Variants in STK3 observed in about 807,000 individuals in gnomAD.
STK3 encodes serine/threonine kinase 3.
STK3 carries 41 observed loss-of-function variants against 58.0 expected under a neutral mutation model. The ratio of observed to expected loss-of-function variants is 0.71; its 90% CI spans 0.55 to 0.92. The LOEUF (loss-of-function observed/expected upper bound fraction) is 0.92. Among genes scored for constraint, STK3 ranks in the 40% least tolerant of loss-of-function variants. The pLI, the probability that STK3 is intolerant of heterozygous loss-of-function variation, is 0.00. For synonymous variants in STK3, 170 were observed against 191.0 expected (o/e 0.89, Z 0.91); for missense variants, 479 against 602.7 (o/e 0.79, Z 2.15).
At chr8:98,590,315 T>C (rs1026054290) in intron 7 of STK3, among the ~76,000 whole-genome samples, 6 of 152,186 alleles carry the variant, frequency 3.9e-5, no homozygotes, top group African/African-American at 1.4e-4. Context: ...CTGATGCCGT[T>C]CCTTTCTTCC....
chr8:98,711,965 G>A (rs1218202261), intron 4 of STK3, among the ~76,000 whole-genome samples: 1 of 152,110 alleles, frequency 6.6e-6, no homozygotes, highest in African/African-American at 2.4e-5. Context: ...CCAGAAGACA[G>A]GGGGGCCAAT....
At position 98,856,596 on chromosome 8, in the gene STK3, A is replaced by G. The variant is rs140106130; in HGVS notation, c.110+27051T>C. Among the ~76,000 whole-genome samples, 6 of 152,310 alleles carry G rather than the reference A, an allele frequency of 3.9e-5. No individual in the cohort carries two copies. The East Asian group carries it at 9.6e-4, about 24-fold the overall frequency. Reference sequence around the variant, plus strand: ...CGTGGAAAAATTAGAACTCTCACACACTACTAGTGGGAATGTAAAATGGCA... The same window carrying G: ...CGTGGAAAAATTAGAACTCTCACACGCTACTAGTGGGAATGTAAAATGGCA... On this transcript the variant is annotated intron_variant, in intron 3 of 12. Transcript: ENST00000523601.
chr8:98,605,433 C>CTTTT (rs1008693603), intron 6 of STK3, among the ~76,000 whole-genome samples: 2 of 132,874 alleles, frequency 1.5e-5, no homozygotes, highest in East Asian at 2.1e-4. Context: ...GCAAGCACAC[C>CTTTT]TTTTTTTTTT....
chr8:98,807,740 TCACTGTCAATTATG>T (rs1833977323), intron 1 of STK3, among the ~76,000 whole-genome samples: 1 of 152,126 alleles, frequency 6.6e-6, no homozygotes, highest in East Asian at 1.9e-4. Context: ...AAATGCAAAG[TCACTGTCAATTATG>T]CACTGTGAAG....
intron 3 of STK3, among the ~76,000 whole-genome samples, chr8:98,411,779 A>G (rs1330236708): frequency 6.6e-6 from 1 of 152,198 alleles, no homozygotes; most frequent in Non-Finnish European, 1.5e-5. Flanking sequence ...CGAGGGACAA[A>G]TCAGGGTGTA....
downstream of STK3, among the ~76,000 whole-genome samples, chr8:98,367,660 C>T (rs551660840): frequency 9.8e-5 from 15 of 152,292 alleles, no homozygotes; most frequent in African/African-American, 3.6e-4. Flanking sequence ...AAGGCTATAG[C>T]CAGAGTCTCC....
At chr8:98,750,343 C>T (rs940184023) in intron 3 of STK3, among the ~76,000 whole-genome samples, 8 of 150,678 alleles carry the variant, frequency 5.3e-5, no homozygotes, top group Non-Finnish European at 1.0e-4. Context: ...CCAAGTATGG[C>T]ATGTAAGAGG....
At chr8:98,798,699 C>T (rs192849499) in intron 1 of STK3, among the ~76,000 whole-genome samples, 187 of 152,234 alleles carry the variant, frequency 1.2e-3, no homozygotes, top group African/African-American at 4.0e-3. Context: ...TGAATCTAAA[C>T]GGTCAATGTC....
chr8:98,569,597 A>G (rs1458260786), intron 8 of STK3, among the ~76,000 whole-genome samples: 1 of 152,156 alleles, frequency 6.6e-6, no homozygotes, highest in Non-Finnish European at 1.5e-5. Flanking sequence ...GTGATTAGAA[A>G]ACTGTAAAAA....
rs568659712 is a variant in STK3 at position 98,935,063 on chromosome 8, T to C, written c.-79+7315A>G. Among the ~76,000 whole-genome samples the C allele has an allele frequency of 2.6e-5, 4 of 151,626 alleles. No individual in the cohort carries two copies. The East Asian group carries it at 7.7e-4, about 29-fold the overall frequency. ...TAGTAATAGAAGTCTGAATTTAAAC[T>C]GGGCACATGGCTACCCAGAGTAAAG... is the stretch of plus-strand genomic sequence containing the variant. On this transcript the variant is annotated intron_variant, in intron 1 of 1. Coordinates refer to the STK3 transcript ENST00000519420.
chr8:98,477,062 A>G lies in STK3; in HGVS notation c.1318-21062T>C, dbSNP rs546741555. On this transcript the variant is annotated intron_variant, in intron 10 of 10. Coordinates refer to ENST00000419617, the MANE Select transcript of STK3 (RefSeq NM_006281.4). ...CATCATTCTTATCATCAAGGACGGG[A>G]AGCTGAGACCGAGGAAAATCTGTAC... 6.4e-4 allele frequency among the ~76,000 whole-genome samples: 97 copies of G among 152,330 alleles called. 1 individual carries two copies. Among genetic ancestry groups the G allele is most frequent in the Non-Finnish European group, 1.2e-3 (79 of 68,030 alleles).
At chr8:98,691,866 A>G (rs2130952987) in intron 6 of STK3, among the ~76,000 whole-genome samples, 1 of 150,104 alleles carries the variant, frequency 6.7e-6, no homozygotes, top group Non-Finnish European at 1.5e-5. Flanking sequence ...TGGGAGGTGG[A>G]GGTTGCAGTG....
intron 3 of STK3, among the ~76,000 whole-genome samples, chr8:98,433,249 A>G (rs1818369794): frequency 6.6e-6 from 1 of 152,102 alleles, no homozygotes; most frequent in African/African-American, 2.4e-5. Flanking sequence ...TTCCTCCTGC[A>G]TGCTTTCCTG....
chr8:98,741,240 T>C (rs1437441170), intron 4 of STK3, among the ~76,000 whole-genome samples: 2 of 152,172 alleles, frequency 1.3e-5, no homozygotes, highest in African/African-American at 4.8e-5. Context: ...GTGTACCAAG[T>C]GGACCTAATA....
intron 7 of STK3, among the ~76,000 whole-genome samples, chr8:98,582,730 C>T (rs1814028564): frequency 6.6e-6 from 1 of 152,022 alleles, no homozygotes; most frequent in Admixed American, 6.6e-5. Flanking sequence ...CTATCTCATA[C>T]TGGCGTTACA....
chr8:98,483,596 C>A (rs548063137), intron 10 of STK3, among the ~76,000 whole-genome samples: 1 of 152,164 alleles, frequency 6.6e-6, no homozygotes, highest in Admixed American at 6.5e-5. Flanking sequence ...ATAGTCCTGC[C>A]AAATGCTGCA....
intron 9 of STK3, among the ~76,000 whole-genome samples, chr8:98,541,665 G>A (rs1810289416): frequency 6.6e-6 from 1 of 152,046 alleles, no homozygotes. Context: ...GAGTATAACT[G>A]TTGCACTCTC....
intron 3 of STK3, among the ~76,000 whole-genome samples, chr8:98,758,511 A>G (rs545387619): frequency 7.0e-4 from 107 of 152,218 alleles, no homozygotes; most frequent in Non-Finnish European, 1.3e-3. Flanking sequence ...AAATGAATAA[A>G]TGTGATTTGC....
At chr8:98,435,938 G>T (rs375898027) in intron 2 of STK3, among the ~76,000 whole-genome samples, 1 of 152,130 alleles carries the variant, frequency 6.6e-6, no homozygotes, top group Admixed American at 6.5e-5. Context: ...TCCTGAGGGG[G>T]TGATCTCTAC....
Sources: allele counts gnomAD v4.1 joint callset (sites outside exome capture counted in the v4.1 genomes callset), GRCh38; gene constraint gnomAD v4.1.1; transcripts MANE v1.5; gene names NCBI Gene and HGNC (gene_info 2026-07-23, HGNC 2026-07-21).